Variants in ERAP2 observed in about 807,000 individuals in gnomAD.
ERAP2 encodes leukocyte-derived arginine aminopeptidase.
Under a neutral mutation model 111.1 loss-of-function variants are expected in ERAP2, and 118 were observed. That is an observed-to-expected ratio of 1.06 (90% CI 0.92 to 1.24). The LOEUF (loss-of-function observed/expected upper bound fraction) is 1.24, where lower values mean the gene tolerates loss of function less well. Among genes scored for constraint, ERAP2 ranks in the 50% most tolerant of loss-of-function variants. The pLI, the probability that ERAP2 is intolerant of heterozygous loss-of-function variation, is 0.00. For synonymous variants in ERAP2, 410 were observed against 401.2 expected (o/e 1.02, Z -0.26); for missense variants, 1,131 against 1,125.8 (o/e 1.00, Z -0.07).
intron 1 of ERAP2, among the ~76,000 whole-genome samples, chr5:96,878,861 G>C (rs898866823): frequency 1.1e-4 from 16 of 152,220 alleles, no homozygotes; most frequent in African/African-American, 3.4e-4. Context: ...CCCAGAGGCA[G>C]AGGTTGCAGT....
In ERAP2 at chr5:96,889,193, C is replaced by G. The variant is rs746468188; in HGVS notation, c.858C>G (p.Ile286Met). 28 of 1,614,030 alleles carry G rather than the reference C, an allele frequency of 1.7e-5. No individual in the cohort carries two copies. In the Admixed American group the frequency reaches 4.7e-4, roughly 27 times the overall value. The change falls in exon 5 of 19, where the codon ATC (isoleucine) becomes ATG (methionine). Residue 286 changes from isoleucine to methionine, a missense_variant. Ile to Met is a conservative substitution (Grantham distance 10). This residue lies in a region of ERAP2 where 847 missense variants were observed against 856.5 expected (regional missense o/e 0.99). Transcript: ENST00000437043. ...TGATCCACATTTCCCAGGTGTCCAT[C>G]TATGCATCCCCAGACAAACGGAATC... The part of the protein sequence containing the change: ...GFTSSGVKVS[I>M]YASPDKRNQT...
At chr5:96,893,934 A>G (rs1338363070) in intron 6 of ERAP2, among the ~76,000 whole-genome samples, 1 of 151,978 alleles carries the variant, frequency 6.6e-6, no homozygotes, top group Non-Finnish European at 1.5e-5. Context: ...TGCTCCTACT[A>G]CCTGATATTC....
chr5:96,895,668 T>C (rs2549783), intron 7 of ERAP2, among the ~76,000 whole-genome samples: 94,570 of 152,032 alleles, frequency 0.62, 29,558 homozygotes, highest in South Asian at 0.73. Flanking sequence ...ACAGGAATGC[T>C]CATGGCTACT....
At position 96,901,521 on chromosome 5, in the gene ERAP2, G is replaced by T. The variant is rs1785463527; in HGVS notation, c.1588G>T (p.Glu530Ter). 1.2e-6 allele frequency: 2 copies of T among 1,613,124 alleles called. No individual in the cohort carries two copies. The highest frequency in any genetic ancestry group is 1.3e-5 in the African/African-American group (1 of 74,878). Residue 530 changes from glutamate to a stop codon, truncating the protein, a stop_gained, in exon 11 of 19, where the codon GAA (glutamate) becomes TAA (stop). Transcript: ENST00000437043. LOFTEE classifies it high-confidence loss of function. ...GTCATTTCAGCTCGCCTTTCTGGGG[G>T]AAAATGCAGAGGTCAAAGAGATGAT... The part of the protein sequence containing the change: ...MTSNMLAFLG[E>*]NAEVKEMMTT...
chr5:96,886,253 G>T lies in ERAP2; in HGVS notation c.715-402G>T, dbSNP rs375397157. Among the ~76,000 whole-genome samples, 8 of 152,228 alleles carry T rather than the reference G, an allele frequency of 5.3e-5. No individual in the cohort carries two copies. The East Asian group carries it at 1.5e-3, about 29-fold the overall frequency. On this transcript the variant is annotated intron_variant, in intron 3 of 18. Transcript: ENST00000437043. ...ACTTCCTGTTTTCTTTTTCCACAGG[G>T]GTGTACTTCTTGTACAACAAATAAA...
chr5:96,887,300 C>T (rs186954384), intron 4 of ERAP2, among the ~76,000 whole-genome samples: 3 of 131,176 alleles, frequency 2.3e-5, no homozygotes, highest in South Asian at 2.6e-4. Flanking sequence ...ATGTTGTTTC[C>T]GACTTTTTTT....
intron 16 of ERAP2, 59 bp downstream of exon 16, chr5:96,912,857 C>G: frequency 7.1e-7 from 1 of 1,414,168 alleles, no homozygotes. Context: ...TCAGTGAAGT[C>G]ACTAAAACTT....
chr5:96,883,393 T>C (rs1783360587), intron 2 of ERAP2, among the ~76,000 whole-genome samples: 1 of 152,234 alleles, frequency 6.6e-6, no homozygotes, highest in Non-Finnish European at 1.5e-5. Context: ...AATGTCTATC[T>C]GAGGCCCTTT....
Position 96,912,635 on chromosome 5 carries a change from A to C in ERAP2, c.2355-2A>C. On this transcript the variant is annotated splice_acceptor_variant, in intron 15 of 18. Transcript: ENST00000437043. LOFTEE classifies it high-confidence loss of function. ...TCTTCATTTTTATGCTTGATATTACAGTATACCAACAGATGTTTTAAAGAT... is the reference window on the plus strand; with the variant it reads ...TCTTCATTTTTATGCTTGATATTACCGTATACCAACAGATGTTTTAAAGAT... 6.3e-7 allele frequency: 1 copy of C among 1,597,292 alleles called. No individual in the cohort carries two copies. The highest frequency in any genetic ancestry group is 8.5e-7 in the Non-Finnish European group (1 of 1,175,502).
At chr5:96,914,146 T>TCACACACACACACACACA (rs778108523) in intron 17 of ERAP2, among the ~76,000 whole-genome samples, 30 of 104,720 alleles carry the variant, frequency 2.9e-4, no homozygotes, top group African/African-American at 1.1e-3. Context: ...TCTCTCTCTC[T>TCACACACACACACACACA]CTCACACACA....
chr5:96,886,159 A>G (rs1462543594), intron 3 of ERAP2, among the ~76,000 whole-genome samples: 3 of 152,222 alleles, frequency 2.0e-5, no homozygotes, highest in Non-Finnish European at 2.9e-5. Flanking sequence ...TCCTCACCTG[A>G]GAAACAACAC....
intron 18 of ERAP2, among the ~76,000 whole-genome samples, chr5:96,916,675 A>T (rs2112444449): frequency 6.6e-6 from 1 of 151,160 alleles, no homozygotes; most frequent in East Asian, 1.9e-4. Context: ...TCACTGTGTT[A>T]GCCAGGGTGG....
Position 96,889,182 on chromosome 5 carries a change from C to A in ERAP2, c.850-3C>A. ...AAAACCTCTTCTGATCCACATTTCC[C>A]AGGTGTCCATCTATGCATCCCCAGA... is the stretch of plus-strand genomic sequence containing the variant. On this transcript the variant is annotated splice_region_variant and splice_polypyrimidine_tract_variant and intron_variant, in intron 4 of 18. Transcript: ENST00000437043. 1.2e-6 allele frequency: 2 copies of A among 1,613,966 alleles called. No individual in the cohort carries two copies. The highest frequency in any genetic ancestry group is 2.2e-5 in the South Asian group (2 of 91,080).
chr5:96,891,653 C>T (rs1175603390), intron 5 of ERAP2, among the ~76,000 whole-genome samples: 2 of 151,558 alleles, frequency 1.3e-5, no homozygotes, highest in Non-Finnish European at 2.9e-5. Context: ...GCACTTTTTC[C>T]CCCCACAACA....
chr5:96,894,167 C>T (rs538341807), intron 6 of ERAP2, among the ~76,000 whole-genome samples: 50 of 152,304 alleles, frequency 3.3e-4, no homozygotes, highest in Non-Finnish European at 5.7e-4. Flanking sequence ...GTGCCAGGAA[C>T]GCAGTAGGTT....
At position 96,919,042 on chromosome 5, in the gene ERAP2, T is replaced by TA. The variant is rs1387501940; in HGVS notation, c.*1442dup. ...TTGTGATCCTATATATGAGACAGTATAAAAATACAGATAAGTTTTAGAAAG... is the reference window on the plus strand; with the variant it reads ...TTGTGATCCTATATATGAGACAGTATAAAAAATACAGATAAGTTTTAGAAAG... On this transcript the variant is annotated 3_prime_UTR_variant, in exon 19 of 19. Coordinates refer to ENST00000437043, the MANE Select transcript of ERAP2 (RefSeq NM_022350.5). 1 of 152,174 alleles carries TA rather than the reference T, an allele frequency of 6.6e-6. No individual in the cohort carries two copies. Among genetic ancestry groups the TA allele is most frequent in the East Asian group, 1.9e-4 (1 of 5,192 alleles). 9.4% of individuals were successfully genotyped at this position (152,174 alleles called of 1,614,324 possible).
chr5:96,903,928 T>C (rs1394442225), intron 13 of ERAP2, among the ~76,000 whole-genome samples: 3 of 152,152 alleles, frequency 2.0e-5, no homozygotes, highest in East Asian at 3.9e-4. Flanking sequence ...AGCACCAAAG[T>C]CCCAAATGGC....
At position 96,891,000 on chromosome 5, in the gene ERAP2, C is replaced by T. The variant is rs181217463; in HGVS notation, c.971-1299C>T. ...AGGAAAAAATAGAGCAGATATAAGT[C>T]CCACTACTATAAAATCATCAATGCG... On this transcript the variant is annotated intron_variant, in intron 5 of 18. Transcript: ENST00000437043. Among the ~76,000 whole-genome samples the T allele has an allele frequency of 7.2e-5, 11 of 152,206 alleles. No homozygotes were observed. In the East Asian group the frequency reaches 1.9e-3, roughly 27 times the overall value.
In ERAP2 at chr5:96,883,799, G is replaced by A; in HGVS notation, c.583G>A (p.Ala195Thr). The A allele has an allele frequency of 6.2e-7, 1 of 1,610,150 alleles. No individual in the cohort carries two copies. The highest frequency in any genetic ancestry group is 8.5e-7 in the Non-Finnish European group (1 of 1,178,840). ...RTLGGETRILAVTDFEPTQAR... is the reference protein window; with the variant it reads ...RTLGGETRILTVTDFEPTQAR... ...GGGTGGGTCTTTTCACAGAATTCTT[G>A]CAGTAACAGATTTTGAGCCAACCCA... The change falls in exon 3 of 19, where the codon GCA becomes ACA. Residue 195 changes from alanine (A) to threonine (T), a missense_variant. Around this residue, in one of 3 missense-constraint regions of ERAP2, gnomAD observed 847 missense variants for 856.5 expected, o/e 0.99. Coordinates refer to ENST00000437043, the MANE Select transcript of ERAP2 (RefSeq NM_022350.5).
Sources: allele counts gnomAD v4.1 joint callset (sites outside exome capture counted in the v4.1 genomes callset), GRCh38; gene constraint gnomAD v4.1.1; regional missense constraint gnomAD v4.1.1; transcripts MANE v1.5; gene names NCBI Gene and HGNC (gene_info 2026-07-23, HGNC 2026-07-21).